Variants in NCAPD3 observed in about 807,000 individuals in gnomAD.
The protein encoded by NCAPD3 is non-SMC condensin II complex subunit D3.
In NCAPD3, 105 loss-of-function variants were observed where a neutral mutation model predicts 182.9. That is an observed-to-expected ratio of 0.57 (90% CI 0.49 to 0.68). The LOEUF (loss-of-function observed/expected upper bound fraction) is 0.68. Ranked by LOEUF, NCAPD3 falls within the 30% of genes least tolerant of loss-of-function variation. The pLI, the probability that NCAPD3 is intolerant of heterozygous loss-of-function variation, is 0.00. For synonymous variants in NCAPD3, 815 were observed against 679.9 expected (o/e 1.20, Z -3.09); for missense variants, 1,944 against 1,837.0 (o/e 1.06, Z -1.07).
rs1943243422 is a variant in NCAPD3, at chr11:134,151,753, A to G, written c.*1191T>C. On this transcript the variant is annotated 3_prime_UTR_variant, in exon 35 of 35. Transcript: ENST00000534548. ...TTTATAAAAGCTTCAAAAAAACCCA[A>G]ACATTGCTTCATTCTTTGTTATTTG... The G allele has an allele frequency of 6.6e-6, 1 of 152,132 alleles. No individual in the cohort carries two copies. Among genetic ancestry groups the G allele is most frequent in the Non-Finnish European group, 1.5e-5 (1 of 68,014 alleles). The allele number at this position is 152,132 out of a possible 1,614,324, so 9.4% of individuals were successfully genotyped here.
Position 134,152,475 on chromosome 11 carries a change from G to C in NCAPD3, c.*469C>G, listed in dbSNP as rs1943272969. On this transcript the variant is annotated 3_prime_UTR_variant, in exon 35 of 35. Transcript: ENST00000534548. Reference sequence around the variant, plus strand: ...TTATGCTAAACCTTTATTACTTTTAGAAAGCTGTACACTTTTTTAAAAAAT... The same window carrying C: ...TTATGCTAAACCTTTATTACTTTTACAAAGCTGTACACTTTTTTAAAAAAT... 6.6e-6 allele frequency: 1 copy of C among 152,428 alleles called. No individual in the cohort carries two copies. Among genetic ancestry groups the C allele is most frequent in the Non-Finnish European group, 1.5e-5 (1 of 68,264 alleles). 9.4% of individuals were successfully genotyped at this position (152,428 alleles called of 1,614,324 possible).
chr11:134,157,149 G>A, intron 31 of NCAPD3, 54 bp from the exon 32 acceptor site: 1 of 1,387,178 alleles, frequency 7.2e-7, no homozygotes, highest in East Asian at 2.4e-5. Context: ...ATAACGAAGA[G>A]CAAAACAACC....
Position 134,161,751 on chromosome 11 carries a change from C to A in NCAPD3, c.3684+30G>T, listed in dbSNP as rs747451561. 5 of 1,330,050 alleles carry A rather than the reference C, an allele frequency of 3.8e-6. No homozygotes were observed. The South Asian group carries it at 4.9e-5, about 13-fold the overall frequency. The allele number at this position is 1,330,050 out of a possible 1,614,324, so 82.4% of individuals were successfully genotyped here. On this transcript the variant is annotated intron_variant, in intron 28 of 34. Coordinates refer to ENST00000534548, the MANE Select transcript of NCAPD3 (RefSeq NM_015261.3). Reference sequence around the variant, plus strand: ...CCTAAGTAATGAACTGGTAGGACAACAACCACAAAAGCACAGGCTCCACCC... The same window carrying A: ...CCTAAGTAATGAACTGGTAGGACAAAAACCACAAAAGCACAGGCTCCACCC...
chr11:134,170,397 T>C (rs1405972041), intron 24 of NCAPD3, among the ~76,000 whole-genome samples: 1 of 152,222 alleles, frequency 6.6e-6, no homozygotes, highest in Admixed American at 6.5e-5. Flanking sequence ...GATGAAGTTA[T>C]TTCTAAACAA....
At chr11:134,212,564 T>C (rs1429365346) in intron 3 of NCAPD3, among the ~76,000 whole-genome samples, 1 of 152,104 alleles carries the variant, frequency 6.6e-6, no homozygotes, top group Non-Finnish European at 1.5e-5. Context: ...ATTTTTTGTT[T>C]TCTTTTTTGG....
At position 134,162,834 on chromosome 11, in the gene NCAPD3, C is replaced by G. The variant is rs368021682; in HGVS notation, c.3574-943G>C. On this transcript the variant is annotated intron_variant, in intron 27 of 34. Coordinates refer to ENST00000534548, the MANE Select transcript of NCAPD3 (RefSeq NM_015261.3). ...GAAGCTAAGCATCCCTGCCCTCCAG[C>G]CACTTCTAGAAAGTGTGTGTCTCAA... Among the ~76,000 whole-genome samples the G allele has an allele frequency of 7.2e-5, 11 of 152,296 alleles. No individual in the cohort carries two copies. In the South Asian group the frequency reaches 2.3e-3, roughly 32 times the overall value.
At chr11:134,194,205 GA>G (rs1944581406) in intron 14 of NCAPD3, 55 bp from the exon 15 acceptor site, 1 of 1,554,586 alleles carries the variant, frequency 6.4e-7, no homozygotes, top group African/African-American at 1.4e-5. Context: ...AACTCACAAA[GA>G]TAAACTGTTA....
chr11:134,177,663 AGGAGTTAT>A (rs1944202893), intron 22 of NCAPD3: 1 of 586,522 alleles, frequency 1.7e-6, no homozygotes, highest in Non-Finnish European at 3.0e-6. Flanking sequence ...TAAACTCCCC[AGGAGTTAT>A]ATACTATGGG....
chr11:134,180,896 A>G (rs762683697), intron 20 of NCAPD3, among the ~76,000 whole-genome samples, 181 bp downstream of exon 20: 4 of 152,262 alleles, frequency 2.6e-5, no homozygotes, highest in Non-Finnish European at 5.9e-5. Context: ...TAAAAAGTAT[A>G]TAAGAAAAAA....
rs766041380 is a variant in NCAPD3, at chr11:134,153,157, T to A, written c.4371A>T (p.Leu1457Phe). The change falls in exon 34 of 35, where the codon TTA (leucine) becomes TTT (phenylalanine). Residue 1457 changes from leucine (L) to phenylalanine (F), a missense_variant. Physicochemically the swap from Leu to Phe is conservative, Grantham distance 22. This residue lies in a region of NCAPD3 where 1,803 missense variants were observed against 1,674.6 expected (regional missense o/e 1.08). Transcript: ENST00000534548. ...GRSQGNDILC[L>F]SLPDKPPPQP... The stretch of plus-strand genomic sequence containing the variant: ...AAACTTACGGTTTATCAGGCAGTGA[T>A]AAACATAAGATGTCATTTCCTTGAC... The A allele has an allele frequency of 2.5e-6, 4 of 1,614,194 alleles. No homozygotes were observed. The East Asian group carries it at 8.9e-5, about 36-fold the overall frequency.
upstream of NCAPD3, chr11:134,225,074 C>G: frequency 6.5e-7 from 1 of 1,529,098 alleles, no homozygotes; most frequent in South Asian, 1.2e-5. Context: ...GCCCGCGCCC[C>G]GGTGCGAGGG....
chr11:134,185,311 C>A (rs1245970150), intron 17 of NCAPD3, 24 bp downstream of exon 17: 2 of 1,566,504 alleles, frequency 1.3e-6, no homozygotes, highest in Non-Finnish European at 8.7e-7. Context: ...AGTGTCATTA[C>A]TGGTTAAATT....
At position 134,161,958 on chromosome 11, in the gene NCAPD3, T is replaced by C; in HGVS notation, c.3574-67A>G. 6.0e-6 allele frequency: 5 copies of C among 830,336 alleles called. No homozygotes were observed. The South Asian group carries it at 9.0e-5, about 15-fold the overall frequency. 51.4% of individuals were successfully genotyped at this position (830,336 alleles called of 1,614,324 possible). Reference sequence around the variant, plus strand: ...CTGAAAGACAGGCCTCTCCTTGATCTAGTTCTTTGAGTAGAGCCACCCTAC... The same window carrying C: ...CTGAAAGACAGGCCTCTCCTTGATCCAGTTCTTTGAGTAGAGCCACCCTAC... On this transcript the variant is annotated intron_variant, in intron 27 of 34. Coordinates refer to ENST00000534548, the MANE Select transcript of NCAPD3 (RefSeq NM_015261.3).
upstream of NCAPD3, chr11:134,224,981 G>T (rs1938410347): frequency 1.1e-5 from 7 of 622,076 alleles, no homozygotes; most frequent in Admixed American, 1.9e-4. Context: ...CCCACTGCCC[G>T]GCGGCAGCGG....
intron 31 of NCAPD3, among the ~76,000 whole-genome samples, chr11:134,157,392 A>C (rs897109162): frequency 6.6e-6 from 1 of 152,222 alleles, no homozygotes; most frequent in Non-Finnish European, 1.5e-5. Flanking sequence ...CTGGGAATTA[A>C]TCCCAAGGAT....
rs1943931702 is a variant in NCAPD3, at chr11:134,168,701, ACT to A, written c.3240-101_3240-100del. 7 of 1,497,280 alleles carry A rather than the reference ACT, an allele frequency of 4.7e-6. No homozygotes were observed. In the East Asian group the frequency reaches 1.6e-4, roughly 34 times the overall value. 92.7% of individuals were successfully genotyped at this position (1,497,280 alleles called of 1,614,324 possible). ...GCATCCTAAAAGCTGCATGCCAAAG[ACT>A]CCAGTGCACTACAGAGATCCCAGTG... On this transcript the variant is annotated intron_variant, in intron 25 of 34. Transcript: ENST00000534548.
intron 8 of NCAPD3, among the ~76,000 whole-genome samples, chr11:134,206,024 C>T (rs1591857509): frequency 6.6e-6 from 1 of 152,152 alleles, no homozygotes; most frequent in Admixed American, 6.5e-5. Flanking sequence ...AAGCCAACAA[C>T]GCAGCAAACA....
At chr11:134,198,635 A>C (rs959456110) in intron 13 of NCAPD3, among the ~76,000 whole-genome samples, 2 of 152,232 alleles carry the variant, frequency 1.3e-5, no homozygotes, top group Admixed American at 6.5e-5. Context: ...GAAATGAAAG[A>C]TATCCAGATT....
intron 3 of NCAPD3, 33 bp from the exon 4 acceptor site, chr11:134,210,487 G>C: frequency 6.4e-7 from 1 of 1,567,950 alleles, no homozygotes; most frequent in Non-Finnish European, 8.7e-7. Context: ...AAGCAAGTTA[G>C]ATTTAATTGT....
Sources: gnomAD v4.1 joint callset for allele counts (sites outside exome capture counted in the v4.1 genomes callset) on GRCh38, gnomAD v4.1.1 for gene constraint, gnomAD v4.1.1 regional missense constraint, MANE v1.5 for transcripts, NCBI Gene and HGNC (gene_info 2026-07-23, HGNC 2026-07-21) for gene names.